ACTL8: variants seen among roughly 807,000 people sequenced by gnomAD.
The protein encoded by ACTL8 is actin-like protein 8.
A neutral mutation model predicts 9.3 loss-of-function variants in ACTL8; 3 were observed. That is an observed-to-expected ratio of 0.32 (90% CI 0.15 to 0.83). The LOEUF (loss-of-function observed/expected upper bound fraction) is 0.83, where lower values mean the gene tolerates loss of function less well. Ranked by LOEUF, ACTL8 falls within the 40% of genes least tolerant of loss-of-function variation. The pLI, the probability that ACTL8 is intolerant of heterozygous loss-of-function variation, is 0.57. For synonymous variants in ACTL8, 224 were observed against 205.9 expected (o/e 1.09, Z -0.75); for missense variants, 381 against 492.2 (o/e 0.77, Z 2.14).
At chr1:17,758,844 G>A (rs1160333179) in intron 1 of ACTL8, among the ~76,000 whole-genome samples, 2 of 152,158 alleles carry the variant, frequency 1.3e-5, no homozygotes, top group Non-Finnish European at 2.9e-5. Context: ...AGCACACTTG[G>A]TAATTATCCA....
chr1:17,767,242 G>C lies in ACTL8; in HGVS notation c.-25+11738G>C, dbSNP rs2066051273. ...GGAAACAGTGAGGAGGGCATCAGGA[G>C]GTGAGGTCAGAACGGTAAGAGTGAG... is the stretch of plus-strand genomic sequence containing the variant. On this transcript the variant is annotated intron_variant, in intron 1 of 2. Coordinates refer to ENST00000375406, the MANE Select transcript of ACTL8 (RefSeq NM_030812.3). This position sits in a 1 kb window ranked among gnomAD's most constrained non-coding sequence, Gnocchi z 4.7. 6.6e-6 allele frequency among the ~76,000 whole-genome samples: 1 copy of C among 152,120 alleles called. No individual in the cohort carries two copies. The highest frequency in any genetic ancestry group is 1.5e-5 in the Non-Finnish European group (1 of 68,028).
chr1:17,796,274 A>T (rs933099076), intron 1 of ACTL8, among the ~76,000 whole-genome samples: 1 of 149,310 alleles, frequency 6.7e-6, no homozygotes, highest in African/African-American at 2.5e-5. Flanking sequence ...AACTTGATGG[A>T]GGGAGGAGGA....
At chr1:17,805,040 G>A (rs900688088) in intron 1 of ACTL8, among the ~76,000 whole-genome samples, 6 of 152,066 alleles carry the variant, frequency 3.9e-5, no homozygotes, top group Admixed American at 6.5e-5. Flanking sequence ...GACCAAAGCC[G>A]TATTCTTTAC....
chr1:17,766,405 C>T (rs181220084), intron 1 of ACTL8, among the ~76,000 whole-genome samples: 11 of 152,232 alleles, frequency 7.2e-5, no homozygotes, highest in Middle Eastern at 3.4e-3. Context: ...GGCTCAAACC[C>T]GGGTCTTCTG....
At chr1:17,797,395 T>G (rs1445204950) in intron 1 of ACTL8, among the ~76,000 whole-genome samples, 1 of 152,186 alleles carries the variant, frequency 6.6e-6, no homozygotes, top group Non-Finnish European at 1.5e-5. Flanking sequence ...CTCTTTGAAG[T>G]GCCTGGAGCT....
intron 1 of ACTL8, among the ~76,000 whole-genome samples, chr1:17,756,831 A>G (rs562199378): frequency 6.6e-6 from 1 of 152,382 alleles, no homozygotes; most frequent in Admixed American, 6.5e-5. Context: ...CACCTGAGGC[A>G]CGTCTGTTGG....
At chr1:17,802,909 C>T (rs1013683885) in intron 1 of ACTL8, among the ~76,000 whole-genome samples, 20 of 152,242 alleles carry the variant, frequency 1.3e-4, no homozygotes, top group African/African-American at 4.1e-4. Flanking sequence ...TGCTTGAACC[C>T]GGAAGGCAGA....
chr1:17,777,115 C>T (rs2066124093), intron 1 of ACTL8, among the ~76,000 whole-genome samples: 1 of 151,480 alleles, frequency 6.6e-6, no homozygotes, highest in African/African-American at 2.4e-5. Flanking sequence ...AGGTGTGAGC[C>T]GCAGAACCTG....
Position 17,826,551 on chromosome 1 carries a change from T to A in ACTL8, c.*32T>A. On this transcript the variant is annotated 3_prime_UTR_variant, in exon 3 of 3. Coordinates refer to ENST00000375406, the MANE Select transcript of ACTL8 (RefSeq NM_030812.3). This position sits in a 1 kb window ranked among gnomAD's most constrained non-coding sequence, Gnocchi z 4.5. The stretch of plus-strand genomic sequence containing the variant: ...TGGCTCACTCCTGAGAATGGGCTCC[T>A]GTTAGATGGGCACGGGCGGATTAAT... 6.6e-7 allele frequency: 1 copy of A among 1,512,798 alleles called. No homozygotes were observed. Among genetic ancestry groups the A allele is most frequent in the Non-Finnish European group, 8.9e-7 (1 of 1,125,902 alleles). The allele number at this position is 1,512,798 out of a possible 1,614,324, so 93.7% of individuals were successfully genotyped here.
At chr1:17,797,840 G>T (rs968817964) in intron 1 of ACTL8, among the ~76,000 whole-genome samples, 2 of 152,206 alleles carry the variant, frequency 1.3e-5, no homozygotes, top group Non-Finnish European at 2.9e-5. Flanking sequence ...GGGCCTGGCC[G>T]TCAGTGGGCT....
chr1:17,783,335 GTT>G (rs56666980), intron 1 of ACTL8, among the ~76,000 whole-genome samples: 1 of 139,250 alleles, frequency 7.2e-6, no homozygotes, highest in East Asian at 2.1e-4. Context: ...AAAAAGAGGA[GTT>G]TTTTTTTTTG....
At chr1:17,824,160 T>C (rs2053689494) in intron 2 of ACTL8, among the ~76,000 whole-genome samples, 1 of 152,194 alleles carries the variant, frequency 6.6e-6, no homozygotes, top group Admixed American at 6.5e-5. Context: ...TGGAGGAGGC[T>C]GGGCCTTGTA....
chr1:17,790,280 G>GA (rs2066230190), intron 1 of ACTL8, among the ~76,000 whole-genome samples: 1 of 152,260 alleles, frequency 6.6e-6, no homozygotes, highest in African/African-American at 2.4e-5. Flanking sequence ...AAGGGCCACA[G>GA]CTCTTCTCTT....
At chr1:17,764,576 AC>A (rs771804563) in intron 1 of ACTL8, among the ~76,000 whole-genome samples, 2 of 151,302 alleles carry the variant, frequency 1.3e-5, no homozygotes, top group East Asian at 1.9e-4. Flanking sequence ...GCTTCTGGGC[AC>A]CCCCCCACAG....
rs2066053909 is a variant in ACTL8 at position 17,767,633 on chromosome 1, G to T, written c.-25+12129G>T. On this transcript the variant is annotated intron_variant, in intron 1 of 2. Transcript: ENST00000375406. The surrounding 1 kb of genome is among the most constrained non-coding windows in gnomAD (Gnocchi z 4.7). ...GCGCAGTAAGCCCTTTGCTTTTTGGGTATTGACTGTAGATCAGTGCTCACC... is the reference window on the plus strand; with the variant it reads ...GCGCAGTAAGCCCTTTGCTTTTTGGTTATTGACTGTAGATCAGTGCTCACC... Among the ~76,000 whole-genome samples the T allele has an allele frequency of 6.6e-6, 1 of 152,112 alleles. No homozygotes were observed. The highest frequency in any genetic ancestry group is 1.5e-5 in the Non-Finnish European group (1 of 68,030).
intron 1 of ACTL8, among the ~76,000 whole-genome samples, chr1:17,770,438 TC>T (rs1367401648): frequency 6.6e-6 from 1 of 152,224 alleles, no homozygotes; most frequent in African/African-American, 2.4e-5. Context: ...TTATTGTCTC[TC>T]ATAAATTTTT....
chr1:17,783,978 C>T (rs1170250991), intron 1 of ACTL8, among the ~76,000 whole-genome samples: 4 of 152,170 alleles, frequency 2.6e-5, no homozygotes, highest in Non-Finnish European at 4.4e-5. Context: ...CAGACTTGGC[C>T]GAGCTGCTTA....
intron 1 of ACTL8, among the ~76,000 whole-genome samples, chr1:17,796,183 G>A (rs1378885401): frequency 3.9e-5 from 6 of 152,118 alleles, no homozygotes; most frequent in African/African-American, 1.4e-4. Context: ...GCTCAGACAC[G>A]GACTCTGCTG....
At chr1:17,797,499 T>C (rs1287207313) in intron 1 of ACTL8, among the ~76,000 whole-genome samples, 1 of 152,182 alleles carries the variant, frequency 6.6e-6, no homozygotes, top group Non-Finnish European at 1.5e-5. Context: ...ATCGGAGGCA[T>C]TGCGCTCAGT....
Sources: allele counts gnomAD v4.1 joint callset (sites outside exome capture counted in the v4.1 genomes callset), GRCh38; gene constraint gnomAD v4.1.1; non-coding constraint Gnocchi (gnomAD v3.1); transcripts MANE v1.5; gene names NCBI Gene and HGNC (gene_info 2026-07-23, HGNC 2026-07-21).